Variants in PARD3 observed in about 807,000 individuals in gnomAD.
PARD3 encodes partitioning defective 3 homolog.
In PARD3, 75 loss-of-function variants were observed where a neutral mutation model predicts 155.4. The ratio of observed to expected loss-of-function variants is 0.48; its 90% CI spans 0.40 to 0.58. The LOEUF (loss-of-function observed/expected upper bound fraction) is 0.58. Among genes scored for constraint, PARD3 ranks in the 20% least tolerant of loss-of-function variants. The pLI, the probability that PARD3 is intolerant of heterozygous loss-of-function variation, is 0.00. For synonymous variants in PARD3, 576 were observed against 610.5 expected (o/e 0.94, Z 0.83); for missense variants, 1,642 against 1,721.7 (o/e 0.95, Z 0.82).
At chr10:34,814,853 C>T (rs1170254369) in intron 1 of PARD3, 23 bp downstream of exon 1, 1 of 1,467,696 alleles carries the variant, frequency 6.8e-7, no homozygotes. Context: ...GCCCCCTCCC[C>T]GCCCGCGCCC....
At chr10:34,710,334 C>T (rs933577403) in intron 1 of PARD3, among the ~76,000 whole-genome samples, 1 of 152,194 alleles carries the variant, frequency 6.6e-6, no homozygotes, top group African/African-American at 2.4e-5. Context: ...ACTGGCAGTG[C>T]TTGTCTATAT....
At chr10:34,505,923 C>A (rs1045622932) in intron 3 of PARD3, among the ~76,000 whole-genome samples, 6 of 152,038 alleles carry the variant, frequency 3.9e-5, no homozygotes, top group Admixed American at 6.6e-5. Context: ...GTCAGGAGTT[C>A]GAGGCCAGCC....
intron 3 of PARD3, among the ~76,000 whole-genome samples, chr10:34,511,888 C>T (rs748960834): frequency 1.3e-5 from 2 of 152,180 alleles, no homozygotes; most frequent in South Asian, 4.1e-4. Flanking sequence ...ACCATGCCCA[C>T]CTAATATTTT....
intron 2 of PARD3, among the ~76,000 whole-genome samples, chr10:34,556,977 T>C (rs963532255): frequency 2.6e-5 from 4 of 152,184 alleles, no homozygotes; most frequent in African/African-American, 9.7e-5. Flanking sequence ...TCCTGTCCTT[T>C]AAATCCTAAC....
intron 7 of PARD3, among the ~76,000 whole-genome samples, chr10:34,391,921 C>G (rs1243724479): frequency 6.6e-6 from 1 of 152,160 alleles, no homozygotes; most frequent in Admixed American, 6.5e-5. Context: ...TTCGGGAGGC[C>G]GAGGTGGGTG....
At chr10:34,795,018 A>AT (rs1193803435) in intron 1 of PARD3, among the ~76,000 whole-genome samples, 1 of 152,260 alleles carries the variant, frequency 6.6e-6, no homozygotes. Flanking sequence ...AATTTGGCAA[A>AT]TAGAATACAG....
chr10:34,805,697 C>G, intron 1 of PARD3, among the ~76,000 whole-genome samples: 1 of 151,910 alleles, frequency 6.6e-6, no homozygotes, highest in East Asian at 1.9e-4. Flanking sequence ...AATTCTGGGG[C>G]CGGGCGCGGT....
intron 2 of PARD3, among the ~76,000 whole-genome samples, chr10:34,607,286 C>A (rs1015455688): frequency 6.6e-6 from 1 of 152,116 alleles, no homozygotes; most frequent in African/African-American, 2.4e-5. Context: ...TGCAAACAAC[C>A]CTCCAGGGTA....
intron 22 of PARD3, among the ~76,000 whole-genome samples, chr10:34,223,431 A>T (rs533834651): frequency 2.6e-5 from 4 of 152,312 alleles, no homozygotes; most frequent in African/African-American, 9.6e-5. Context: ...TATATATTAG[A>T]TACTATTGAA....
chr10:34,330,650 T>C (rs1835517137), intron 19 of PARD3, among the ~76,000 whole-genome samples: 2 of 152,154 alleles, frequency 1.3e-5, no homozygotes, highest in Admixed American at 6.5e-5. Context: ...TCCAAATAAC[T>C]TTTTTATATG....
At chr10:34,315,340 G>A (rs989842413) in intron 20 of PARD3, among the ~76,000 whole-genome samples, 2 of 152,074 alleles carry the variant, frequency 1.3e-5, no homozygotes, top group African/African-American at 4.8e-5. Context: ...GGAGTTGCAG[G>A]TTACAGAAAA....
At chr10:34,130,434 T>A (rs1483452617) in intron 23 of PARD3, among the ~76,000 whole-genome samples, 3 of 152,196 alleles carry the variant, frequency 2.0e-5, no homozygotes, top group African/African-American at 4.8e-5. Flanking sequence ...TTCTAAGCAT[T>A]GCCGGTTAGG....
intron 22 of PARD3, among the ~76,000 whole-genome samples, chr10:34,208,394 T>C (rs1193116372): frequency 1.3e-5 from 2 of 152,226 alleles, no homozygotes; most frequent in Admixed American, 6.5e-5. Context: ...CCAATTGTTC[T>C]ATAAGAGAAC....
At chr10:34,701,052 C>CA (rs879821678) in intron 1 of PARD3, among the ~76,000 whole-genome samples, 1,507 of 147,520 alleles carry the variant, frequency 0.01, 28 homozygotes, top group African/African-American at 0.034. Flanking sequence ...AAAACTACAC[C>CA]AAAAAAAAAA....
chr10:34,573,690 G>C (rs1200678596), intron 2 of PARD3, among the ~76,000 whole-genome samples: 1 of 151,976 alleles, frequency 6.6e-6, no homozygotes, highest in Non-Finnish European at 1.5e-5. Context: ...CTGGGTGAGA[G>C]AACGAGACTC....
chr10:34,482,577 T>G (rs1250180697), intron 3 of PARD3, among the ~76,000 whole-genome samples: 1 of 144,158 alleles, frequency 6.9e-6, no homozygotes, highest in African/African-American at 3.0e-5. Flanking sequence ...CAGGGACAGT[T>G]AGAAGAGTAC....
In PARD3 at chr10:34,380,948, G is replaced by A. The variant is rs529171457; in HGVS notation, c.1399+1592C>T. On this transcript the variant is annotated intron_variant, in intron 9 of 24. Coordinates refer to ENST00000374788, the MANE Select transcript of PARD3 (RefSeq NM_001184785.2). ...TGTCATTTAAGTAGAGCAAAAGGAGGAAAGAGGATGTGATATTTCTCTCAT... is the reference window on the plus strand; with the variant it reads ...TGTCATTTAAGTAGAGCAAAAGGAGAAAAGAGGATGTGATATTTCTCTCAT... Among the ~76,000 whole-genome samples the A allele has an allele frequency of 2.0e-5, 3 of 152,274 alleles. No individual in the cohort carries two copies. The South Asian group carries it at 6.2e-4, about 32-fold the overall frequency.
At chr10:34,661,994 G>T (rs576135285) in intron 2 of PARD3, among the ~76,000 whole-genome samples, 2 of 152,326 alleles carry the variant, frequency 1.3e-5, no homozygotes, top group African/African-American at 4.8e-5. Flanking sequence ...GCACCCTGGG[G>T]AGATGGTTAA....
In PARD3 at chr10:34,341,655, T is replaced by C; in HGVS notation, c.2380A>G (p.Lys794Glu). 6.2e-7 allele frequency: 1 copy of C among 1,613,602 alleles called. No homozygotes were observed. ...FVTADAGTWA[K>E]AAISDSADCS... is the part of the protein sequence containing the mutation. ...TCGGCTGAATCACTGATTGCAGCCT[T>C]GGCCCAAGTACCAGCATCTGCCGTC... Residue 794 changes from lysine (K) to glutamate (E), a missense_variant, in exon 16 of 25, where the codon AAG becomes GAG. By Grantham distance (56) the Lys-to-Glu change is moderately conservative. This residue lies in a region of PARD3 where 1,529 missense variants were observed against 1,587.3 expected (regional missense o/e 0.96). Transcript: ENST00000374788.
Sources: gnomAD v4.1 joint callset for allele counts (sites outside exome capture counted in the v4.1 genomes callset) on GRCh38, gnomAD v4.1.1 for gene constraint, gnomAD v4.1.1 regional missense constraint, MANE v1.5 for transcripts, NCBI Gene and HGNC (gene_info 2026-07-23, HGNC 2026-07-21) for gene names.